The following GTF2I variants were observed in gnomAD, a reference collection of about 807,000 sequenced individuals.
GTF2I encodes the protein general transcription factor IIi, also known as general transcription factor II-I.
In GTF2I, 12 loss-of-function variants were observed where a neutral mutation model predicts 67.6. The ratio of observed to expected loss-of-function variants is 0.18; its 90% CI spans 0.11 to 0.29. The LOEUF is 0.29. Among genes scored for constraint, GTF2I ranks in the 10% least tolerant of loss-of-function variants. The pLI is 1.00. For missense variants in GTF2I, 271 were observed against 580.1 expected (o/e 0.47, Z 5.47); for synonymous variants, 149 against 197.0 (o/e 0.76, Z 2.04).
At chr7:74,693,096 G>A (rs1199067350) in intron 3 of GTF2I, among the ~76,000 whole-genome samples, 1 of 151,674 alleles carries the variant, frequency 6.6e-6, no homozygotes, top group Non-Finnish European at 1.5e-5. Context: ...GTGCCTTGCA[G>A]ACACTGCAGT....
At chr7:74,676,058 A>G (rs797036687) in intron 1 of GTF2I, among the ~76,000 whole-genome samples, 14 of 152,156 alleles carry the variant, frequency 9.2e-5, no homozygotes, top group African/African-American at 3.4e-4. Context: ...GAGAATGGGG[A>G]ATTGAGGACA....
At chr7:74,695,864 T>C (rs1209038005) in intron 3 of GTF2I, among the ~76,000 whole-genome samples, 1 of 152,186 alleles carries the variant, frequency 6.6e-6, no homozygotes, top group Non-Finnish European at 1.5e-5. Flanking sequence ...GCTGTACTTA[T>C]TCTCCCCTTC....
chr7:74,674,260 TCTCA>T (rs1365461527), intron 1 of GTF2I, among the ~76,000 whole-genome samples: 1 of 151,838 alleles, frequency 6.6e-6, no homozygotes, highest in East Asian at 1.9e-4. Flanking sequence ...AGAGAAGGGA[TCTCA>T]CTCTATTGCC....
intron 9 of GTF2I, among the ~76,000 whole-genome samples, chr7:74,712,652 C>CTTT (rs67504763): frequency 1.8e-5 from 2 of 114,186 alleles, no homozygotes; most frequent in African/African-American, 3.4e-5. Context: ...CAAGATTTAT[C>CTTT]TTTTTTTTTT....
intron 1 of GTF2I, among the ~76,000 whole-genome samples, chr7:74,671,364 G>A (rs1319761600): frequency 6.6e-6 from 1 of 151,912 alleles, no homozygotes; most frequent in Non-Finnish European, 1.5e-5. Flanking sequence ...TGGGATTATA[G>A]GCATGAGCCA....
chr7:74,702,556 C>CT (rs1789951564), intron 6 of GTF2I, among the ~76,000 whole-genome samples: 2 of 152,078 alleles, frequency 1.3e-5, no homozygotes, highest in Admixed American at 6.6e-5. Context: ...AAGCTGTTTT[C>CT]CAAGGTGGCT....
Position 74,660,627 on chromosome 7 carries a change from T to TC in GTF2I, c.-6+2559_-6+2560insC, listed in dbSNP as rs1167194955. Among the ~76,000 whole-genome samples the TC allele has an allele frequency of 9.4e-5, 14 of 148,762 alleles. No individual in the cohort carries two copies. The South Asian group carries it at 3.0e-3, about 32-fold the overall frequency. ...TTCCTTTTTCTTTTCTTTTCTTTTT[T>TC]TTTTTTTTTCGGAAGCGGAGTTTCG... On this transcript the variant is annotated intron_variant, in intron 1 of 34. Transcript: ENST00000573035.
At chr7:74,721,049 A>G (rs1390324317) in intron 12 of GTF2I, among the ~76,000 whole-genome samples, 7 of 150,126 alleles carry the variant, frequency 4.7e-5, no homozygotes, top group East Asian at 2.0e-4. Flanking sequence ...TTATTTATTT[A>G]TTTGTTTTTG....
At position 74,680,095 on chromosome 7, in the gene GTF2I, A is replaced by ATATAT. The variant is rs1330438660; in HGVS notation, c.-5-9029_-5-9028insTATAT. On this transcript the variant is annotated intron_variant, in intron 1 of 34. Coordinates refer to ENST00000573035, the MANE Select transcript of GTF2I (RefSeq NM_032999.4). ...AGTCCATCTCAAAAAAAAAAAAAAA[A>ATATAT]AAAAATATATATATATATATATGTA... Among the ~76,000 whole-genome samples the ATATAT allele has an allele frequency of 8.4e-3, 830 of 98,284 alleles. 14 individuals are homozygous for ATATAT. Among genetic ancestry groups the ATATAT allele is most frequent in the African/African-American group, 0.035 (727 of 21,070 alleles). The allele number at this position is 98,284 out of a possible 152,430, so 64.5% of individuals were successfully genotyped here. A position where few individuals can be genotyped will look rare whatever the true frequency, so the allele number is the denominator to read the frequency against.
intron 1 of GTF2I, among the ~76,000 whole-genome samples, chr7:74,686,340 C>T (rs1007496332): frequency 6.6e-5 from 10 of 152,052 alleles, no homozygotes; most frequent in Non-Finnish European, 1.5e-4. Flanking sequence ...CCCTATTCTC[C>T]GGCCTCATGA....
intron 3 of GTF2I, among the ~76,000 whole-genome samples, chr7:74,697,632 A>G (rs1262774804): frequency 6.6e-6 from 1 of 152,174 alleles, no homozygotes; most frequent in African/African-American, 2.4e-5. Flanking sequence ...AAGTAGTACA[A>G]GGGTACTGGT....
intron 7 of GTF2I, 143 bp from the exon 8 acceptor site, chr7:74,706,245 AAT>A: frequency 1.5e-6 from 1 of 662,642 alleles, no homozygotes; most frequent in Non-Finnish European, 2.7e-6. Flanking sequence ...GCAATAAATA[AAT>A]ATGTCAGTTT....
At chr7:74,682,145 CT>C (rs1176711972) in intron 1 of GTF2I, among the ~76,000 whole-genome samples, 4 of 152,158 alleles carry the variant, frequency 2.6e-5, no homozygotes, top group African/African-American at 9.7e-5. Flanking sequence ...TAAAAGTTCT[CT>C]TTTGTACTTG....
At chr7:74,690,368 T>C (rs1291047869) in intron 2 of GTF2I, among the ~76,000 whole-genome samples, 1 of 152,214 alleles carries the variant, frequency 6.6e-6, no homozygotes, top group African/African-American at 2.4e-5. Flanking sequence ...TACTATATAC[T>C]CTGTAACATT....
chr7:74,715,398 A>G (rs587601680), intron 10 of GTF2I, among the ~76,000 whole-genome samples: 2 of 152,186 alleles, frequency 1.3e-5, no homozygotes, highest in Middle Eastern at 3.4e-3. Context: ...ACTTCTATCT[A>G]TTCTGGCTTT....
At position 74,673,680 on chromosome 7, in the gene GTF2I, CTTT is replaced by C. The variant is rs34307938; in HGVS notation, c.-5-15426_-5-15424del. On this transcript the variant is annotated intron_variant, in intron 1 of 34. Coordinates refer to ENST00000573035, the MANE Select transcript of GTF2I (RefSeq NM_032999.4). ...AGGGATGAGCCACCACGCCCGGCCT[CTTT>C]TTTTTTTTTTTTTTTTTGAGACCAG... is the stretch of plus-strand genomic sequence containing the variant. Among the ~76,000 whole-genome samples the C allele has an allele frequency of 5.0e-3, 602 of 119,778 alleles. 5 individuals are homozygous for C. The highest frequency in any genetic ancestry group is 0.017 in the African/African-American group (551 of 31,890). The allele number at this position is 119,778 out of a possible 152,430, so 78.6% of individuals were successfully genotyped here. A position where few individuals can be genotyped will look rare whatever the true frequency, so the allele number is the denominator to read the frequency against.
intron 12 of GTF2I, among the ~76,000 whole-genome samples, chr7:74,722,138 TGTG>T (rs1793089868): frequency 6.6e-6 from 1 of 152,214 alleles, no homozygotes; most frequent in Non-Finnish European, 1.5e-5. Flanking sequence ...TTTGCAATTA[TGTG>T]GAGTTCTGAA....
rs587751698 is a variant in GTF2I at position 74,705,196 on chromosome 7, T to A, written c.619T>A (p.Ser207Thr). 6.2e-6 allele frequency: 10 copies of A among 1,603,390 alleles called. No homozygotes were observed. In the East Asian group the frequency reaches 2.2e-4, roughly 36 times the overall value. ...GRVMVTDADR[S>T]ILSPGGSCGP... ...TGTGATGGTAACAGATGCTGACAGG[T>A]CAATACTATCTCCAGGTGGAAGGTA... Residue 207 changes from serine (S) to threonine (T), a missense_variant, in exon 7 of 35, where the codon TCA becomes ACA. Ser to Thr is a moderately conservative substitution (Grantham distance 58). Transcript: ENST00000573035.
chr7:74,700,372 C>G lies in GTF2I; in HGVS notation c.499C>G (p.Leu167Val), dbSNP rs1417416844. 3 of 1,614,032 alleles carry G rather than the reference C, an allele frequency of 1.9e-6. No individual in the cohort carries two copies. The African/African-American group carries it at 4.0e-5, about 22-fold the overall frequency. Reference sequence around the variant, plus strand: ...CTTTAAACACCCCGAGAACTATGATCTTGCAACCCTGAAATGGATTTTGGA... The same window carrying G: ...CTTTAAACACCCCGAGAACTATGATGTTGCAACCCTGAAATGGATTTTGGA... Reference protein sequence around the residue: ...VAFKHPENYDLATLKWILENK... With the variant: ...VAFKHPENYDVATLKWILENK... The change falls in exon 5 of 35, where the codon CTT becomes GTT. Residue 167 changes from leucine to valine, a missense_variant. Around this residue, in one of 9 missense-constraint regions of GTF2I, gnomAD observed 38 missense variants for 87.8 expected, o/e 0.43. Coordinates refer to ENST00000573035, the MANE Select transcript of GTF2I (RefSeq NM_032999.4).
Sources: gnomAD v4.1 joint callset for allele counts (sites outside exome capture counted in the v4.1 genomes callset) on GRCh38, gnomAD v4.1.1 for gene constraint, gnomAD v4.1.1 regional missense constraint, MANE v1.5 for transcripts, NCBI Gene and HGNC (gene_info 2026-07-23, HGNC 2026-07-21) for gene names.